The following XKR9 variants were observed in gnomAD, a reference collection of about 807,000 sequenced individuals.
The protein encoded by XKR9 is XK-related protein 9.
In XKR9, 32 loss-of-function variants were observed where a neutral mutation model predicts 32.0. That is an observed-to-expected ratio of 1.00 (90% confidence interval 0.76 to 1.34). The LOEUF (loss-of-function observed/expected upper bound fraction) is 1.34, where lower values mean the gene tolerates loss of function less well. XKR9 is among the 40% of genes most tolerant of loss of function. XKR9 has a pLI of 0.00. For missense variants in XKR9, 546 were observed against 429.7 expected, an observed-to-expected ratio of 1.27 and a Z score of -2.39; for synonymous variants, 168 against 143.4, an observed-to-expected ratio of 1.17 and a Z score of -1.22.
downstream of XKR9, among the ~76,000 whole-genome samples, chr8:70,792,344 C>G (rs1376312514): frequency 6.6e-6 from 1 of 151,976 alleles, no homozygotes; most frequent in African/African-American, 2.4e-5. Flanking sequence ...GGATAAGTAC[C>G]AAGATCCTCA....
At chr8:70,816,519 A>G in the XKR9 span, among the ~76,000 whole-genome samples, 48,534 of 152,076 alleles carry the variant, frequency 0.32, 9,115 homozygotes, top group Non-Finnish European at 0.43. Flanking sequence ...TTGACTAAAG[A>G]AAATGTGGTA....
the XKR9 span, among the ~76,000 whole-genome samples, chr8:71,011,930 C>T: frequency 5.3e-5 from 8 of 152,118 alleles, no homozygotes; most frequent in Non-Finnish European, 1.0e-4. Context: ...TATACAAAAC[C>T]TAGGTTGTAG....
At chr8:70,989,537 C>A in the XKR9 span, among the ~76,000 whole-genome samples, 1 of 152,160 alleles carries the variant, frequency 6.6e-6, no homozygotes, top group African/African-American at 2.4e-5. Context: ...TACTAAATAG[C>A]TGAGCTGTGA....
chr8:70,696,497 A>G (rs268606), intron 3 of XKR9, among the ~76,000 whole-genome samples: 48,676 of 146,758 alleles, frequency 0.33, 8,429 homozygotes, highest in East Asian at 0.66. Context: ...AGTTGTAGAT[A>G]TGCGGCGTTA....
the XKR9 span, among the ~76,000 whole-genome samples, chr8:70,947,569 T>C: frequency 6.6e-6 from 1 of 152,216 alleles, no homozygotes; most frequent in East Asian, 1.9e-4. Flanking sequence ...ACATATGCAG[T>C]AAGAGGAAAA....
the XKR9 span, among the ~76,000 whole-genome samples, chr8:71,027,450 T>C: frequency 6.8e-6 from 1 of 147,164 alleles, no homozygotes; most frequent in Non-Finnish European, 1.5e-5. Flanking sequence ...CTAACTTTTA[T>C]ATAATTTTAT....
the XKR9 span, among the ~76,000 whole-genome samples, chr8:70,823,185 A>T: frequency 6.6e-6 from 1 of 152,182 alleles, no homozygotes; most frequent in Non-Finnish European, 1.5e-5. Context: ...TTGTCTCCAG[A>T]TTCCACTGTG....
chr8:70,794,792 T>C, downstream of XKR9, among the ~76,000 whole-genome samples: 1 of 150,694 alleles, frequency 6.6e-6, no homozygotes, highest in Non-Finnish European at 1.5e-5. Flanking sequence ...TGTGTCTATA[T>C]TCGTACGATA....
chr8:70,721,191 TTTC>T (rs1369963280), intron 4 of XKR9, among the ~76,000 whole-genome samples: 40 of 152,204 alleles, frequency 2.6e-4, no homozygotes, highest in Admixed American at 2.6e-3. Flanking sequence ...TCTTCTCTCT[TTTC>T]TTCTTTATTA....
At chr8:71,055,566 T>G in the XKR9 span, among the ~76,000 whole-genome samples, 1 of 152,312 alleles carries the variant, frequency 6.6e-6, no homozygotes, top group East Asian at 1.9e-4. Context: ...TTTGATGTTC[T>G]CCTTTGAAAA....
At chr8:70,845,614 T>A in the XKR9 span, among the ~76,000 whole-genome samples, 1 of 151,564 alleles carries the variant, frequency 6.6e-6, no homozygotes, top group Non-Finnish European at 1.5e-5. Context: ...CAAAGAGAAA[T>A]CCTGGAAAAG....
At chr8:70,756,741 A>G (rs1336739922) in intron 2 of XKR9, among the ~76,000 whole-genome samples, 2 of 152,200 alleles carry the variant, frequency 1.3e-5, no homozygotes, top group East Asian at 3.8e-4. Flanking sequence ...ACTAGCGCCA[A>G]TAGTTTTTGG....
At chr8:70,756,606 A>T (rs1165079140) in intron 2 of XKR9, among the ~76,000 whole-genome samples, 1 of 152,170 alleles carries the variant, frequency 6.6e-6, no homozygotes, top group Admixed American at 6.5e-5. Flanking sequence ...TAAGTGTTAT[A>T]TCCTTTTTGA....
At chr8:70,899,377 A>G in the XKR9 span, among the ~76,000 whole-genome samples, 1 of 150,116 alleles carries the variant, frequency 6.7e-6, no homozygotes, top group African/African-American at 2.4e-5. Flanking sequence ...GCATCTTCCC[A>G]TACTCCTCAA....
chr8:70,719,004 C>G (rs1262896526), intron 4 of XKR9, among the ~76,000 whole-genome samples: 1 of 152,144 alleles, frequency 6.6e-6, no homozygotes, highest in Non-Finnish European at 1.5e-5. Flanking sequence ...TTAATGGTCA[C>G]CATTCTAATT....
In XKR9 at chr8:70,733,966, C is replaced by T. The variant is rs61734026; in HGVS notation, c.664C>T (p.Leu222Phe). Reference protein sequence around the residue: ...TLLSWMLSVVLLLFLNVKIAL... With the variant: ...TLLSWMLSVVFLLFLNVKIAL... Reference sequence around the variant, plus strand: ...ATTATCGTGGATGCTGAGTGTTGTACTTCTACTATTCTTAAATGTTAAGAT... The same window carrying T: ...ATTATCGTGGATGCTGAGTGTTGTATTTCTACTATTCTTAAATGTTAAGAT... Residue 222 changes from leucine to phenylalanine, a missense_variant, in exon 5 of 5, where the codon CTT (leucine) becomes TTT (phenylalanine). Leu to Phe is a conservative substitution (Grantham distance 22). Coordinates refer to ENST00000408926, the MANE Select transcript of XKR9 (RefSeq NM_001011720.2). 18,365 of 1,612,426 alleles carry T rather than the reference C, an allele frequency of 0.011. 135 individuals are homozygous for T. The highest frequency in any genetic ancestry group is 0.013 in the Non-Finnish European group (15,492 of 1,179,466).
intron 2 of XKR9, among the ~76,000 whole-genome samples, chr8:70,754,870 A>G (rs1238485181): frequency 6.6e-6 from 1 of 152,146 alleles, no homozygotes; most frequent in Non-Finnish European, 1.5e-5. Context: ...CTTCCTGTCT[A>G]AAACACCAAA....
chr8:70,884,202 G>T, the XKR9 span, among the ~76,000 whole-genome samples: 1 of 152,072 alleles, frequency 6.6e-6, no homozygotes, highest in Non-Finnish European at 1.5e-5. Context: ...TGTTTTTTCA[G>T]ATCTTTGCCT....
chr8:70,724,448 T>G (rs1196333181), intron 4 of XKR9, among the ~76,000 whole-genome samples: 1 of 142,460 alleles, frequency 7.0e-6, no homozygotes, highest in Non-Finnish European at 1.5e-5. Flanking sequence ...AAAAAAAAAC[T>G]CCTGCAGCTA....
Sources: gnomAD v4.1 joint callset for allele counts (sites outside exome capture counted in the v4.1 genomes callset) on GRCh38, gnomAD v4.1.1 for gene constraint, MANE v1.5 for transcripts, NCBI Gene and HGNC (gene_info 2026-07-23, HGNC 2026-07-21) for gene names.